Variants in SHISA8 observed in about 807,000 individuals in gnomAD.
SHISA8 encodes protein shisa-8.
Under a neutral mutation model 21.1 loss-of-function variants are expected in SHISA8, and 21 were observed. The observed-to-expected ratio is 0.99, with a 90% CI of 0.71 to 1.43. SHISA8 has a LOEUF of 1.43. Ranked by LOEUF, SHISA8 falls within the 40% of genes most tolerant of loss-of-function variation. The pLI, the probability that SHISA8 is intolerant of heterozygous loss-of-function variation, is 0.00. For synonymous variants in SHISA8, 300 were observed against 291.4 expected (o/e 1.03, Z -0.30); for missense variants, 535 against 599.1 (o/e 0.89, Z 1.12).
chr22:41,914,136 A>C lies in SHISA8; in HGVS notation c.530+2T>G. On this transcript the variant is annotated splice_donor_variant, in intron 1 of 3. Coordinates refer to ENST00000621082, the MANE Select transcript of SHISA8 (RefSeq NM_001207020.3). LOFTEE classifies it high-confidence loss of function. The surrounding 1 kb of genome is among the most constrained non-coding windows in gnomAD (Gnocchi z 6.8). ...GGGGGTCCCTGGGCGGCGCGTGCTC[A>C]CCTGGTCACTGTGCGCCGCGCGCGC... is the stretch of plus-strand genomic sequence containing the variant. The C allele has an allele frequency of 7.0e-7, 1 of 1,423,422 alleles. No individual in the cohort carries two copies. The highest frequency in any genetic ancestry group is 9.1e-7 in the Non-Finnish European group (1 of 1,100,190). The allele number at this position is 1,423,422 out of a possible 1,614,324, so 88.2% of individuals were successfully genotyped here.
intron 1 of SHISA8, among the ~76,000 whole-genome samples, chr22:41,911,807 G>T (rs12628271): frequency 6.6e-6 from 1 of 152,144 alleles, no homozygotes; most frequent in South Asian, 2.1e-4. Context: ...GTGCAATGGC[G>T]CAATCTTGGC....
chr22:41,914,986 G>A lies in SHISA8; in HGVS notation c.-319C>T, dbSNP rs2077578724. Among the ~76,000 whole-genome samples, 1 of 151,770 alleles carries A rather than the reference G, an allele frequency of 6.6e-6. No homozygotes were observed. The highest frequency in any genetic ancestry group is 1.5e-5 in the Non-Finnish European group (1 of 67,888). On this transcript the variant is annotated 5_prime_UTR_variant, in exon 1 of 4. Transcript: ENST00000621082. This position sits in a 1 kb window ranked among gnomAD's most constrained non-coding sequence, Gnocchi z 6.8. ...TTCTCCCCGGCCCGGCAGGTGTGCG[G>A]GTCTTGGCCCTAGCGGAGGCCGCGC... is the stretch of plus-strand genomic sequence containing the variant.
chr22:41,910,131 G>A lies in SHISA8; in HGVS notation c.828C>T (p.Asp276=). ...CGAGGGCGGGGAAACGCTGACAGAAGTCCCGCGGGGCGGCCTCTGCGGGGA... is the reference window on the plus strand; with the variant it reads ...CGAGGGCGGGGAAACGCTGACAGAAATCCCGCGGGGCGGCCTCTGCGGGGA... ...ALKAAEAAPR[D]FCQRFPALEP... is the part of the protein sequence containing the mutation. The change falls in exon 4 of 4, where the codon GAC becomes GAT. Residue 276 remains aspartate (D), a synonymous_variant. Transcript: ENST00000621082. This position sits in a 1 kb window ranked among gnomAD's most constrained non-coding sequence, Gnocchi z 6.8. The A allele has an allele frequency of 8.1e-7, 1 of 1,238,024 alleles. No homozygotes were observed. 76.7% of individuals were successfully genotyped at this position (1,238,024 alleles called of 1,614,324 possible).
chr22:41,910,613 G>C lies in SHISA8; in HGVS notation c.665-59C>G, dbSNP rs965270976. On this transcript the variant is annotated intron_variant, in intron 2 of 3. Transcript: ENST00000621082. This position sits in a 1 kb window ranked among gnomAD's most constrained non-coding sequence, Gnocchi z 6.8. ...TGCCCCGGTTCACTCCGCCCTCGCT[G>C]TCACCTCTCCGTAGTCCTCTCCCCG... 153 of 1,215,062 alleles carry C rather than the reference G, an allele frequency of 1.3e-4. No homozygotes were observed. The highest frequency in any genetic ancestry group is 1.4e-4 in the Non-Finnish European group (139 of 976,682). 75.3% of individuals were successfully genotyped at this position (1,215,062 alleles called of 1,614,324 possible).
chr22:41,914,262 C>A lies in SHISA8; in HGVS notation c.406G>T (p.Glu136Ter). ...GCGTAGACGGCCGTATGGCTGCGCT[C>A]GCGGCCGGGGTCCCGGGGCGCTGCG... ...DTAAPRDPGR[E>*]RSHTAVYAVC... The change falls in exon 1 of 4, where the codon GAG becomes TAG. Residue 136 changes from glutamate to a stop codon, truncating the protein, a stop_gained. Coordinates refer to ENST00000621082, the MANE Select transcript of SHISA8 (RefSeq NM_001207020.3). LOFTEE classifies it high-confidence loss of function. This position sits in a 1 kb window ranked among gnomAD's most constrained non-coding sequence, Gnocchi z 6.8. 1 of 1,313,958 alleles carries A rather than the reference C, an allele frequency of 7.6e-7. No homozygotes were observed. Among genetic ancestry groups the A allele is most frequent in the South Asian group, 2.2e-5 (1 of 45,974 alleles). The allele number at this position is 1,313,958 out of a possible 1,614,324, so 81.4% of individuals were successfully genotyped here.
intron 1 of SHISA8, among the ~76,000 whole-genome samples, chr22:41,913,613 G>A (rs1037782910): frequency 3.3e-5 from 5 of 152,206 alleles, no homozygotes; most frequent in Admixed American, 6.5e-5. Context: ...TGTGGCATGG[G>A]GTGAGTGGGG....
Position 41,914,162 on chromosome 22 carries a change from G to A in SHISA8, c.506C>T (p.Pro169Leu), listed in dbSNP as rs1360178463. Residue 169 changes from proline to leucine, a missense_variant, in exon 1 of 4, where the codon CCG (proline) becomes CTG (leucine). Transcript: ENST00000621082. This position sits in a 1 kb window ranked among gnomAD's most constrained non-coding sequence, Gnocchi z 6.8. ...CCTGGTCACTGTGCGCCGCGCGCGC[G>A]GGCTGTGCGCCCTCTCCAGTCCCAG... Reference protein sequence around the residue: ...ARLGLERAHSPRARRTVTRAL... With the variant: ...ARLGLERAHSLRARRTVTRAL... 2 of 1,449,266 alleles carry A rather than the reference G, an allele frequency of 1.4e-6. No individual in the cohort carries two copies. Among genetic ancestry groups the A allele is most frequent in the African/African-American group, 1.5e-5 (1 of 66,896 alleles). 89.8% of individuals were successfully genotyped at this position (1,449,266 alleles called of 1,614,324 possible).
chr22:41,910,205 G>A lies in SHISA8; in HGVS notation c.812-58C>T. The A allele has an allele frequency of 1.6e-6, 2 of 1,229,518 alleles. No homozygotes were observed. The highest frequency in any genetic ancestry group is 2.0e-6 in the Non-Finnish European group (2 of 986,716). 76.2% of individuals were successfully genotyped at this position (1,229,518 alleles called of 1,614,324 possible). The stretch of plus-strand genomic sequence containing the variant: ...CGCCGAGCACCCAAGCTCAGGACTG[G>A]ACAAGGGGTCCCGGCCGGGGACTGG... On this transcript the variant is annotated intron_variant, in intron 3 of 3. Transcript: ENST00000621082. This position sits in a 1 kb window ranked among gnomAD's most constrained non-coding sequence, Gnocchi z 6.8.
Position 41,910,491 on chromosome 22 carries a change from C to G in SHISA8, c.728G>C (p.Arg243Pro), listed in dbSNP as rs2077543199. 6.3e-6 allele frequency: 8 copies of G among 1,260,348 alleles called. No individual in the cohort carries two copies. The highest frequency in any genetic ancestry group is 4.2e-5 in the Admixed American group (1 of 23,580). 78.1% of individuals were successfully genotyped at this position (1,260,348 alleles called of 1,614,324 possible). A position where few individuals can be genotyped will look rare whatever the true frequency, so the allele number is the denominator to read the frequency against. ...SAAPGPPRGP[R>P]LQGGGSLTLQ... ...CGTCAGGCTGCCGCCGCCCTGCAGC[C>G]GCGGGCCGCGCGGGGGCCCCGGGGC... Residue 243 changes from arginine to proline, a missense_variant, in exon 3 of 4, where the codon CGG (arginine) becomes CCG (proline). Arg to Pro is a moderately radical substitution (Grantham distance 103). Coordinates refer to ENST00000621082, the MANE Select transcript of SHISA8 (RefSeq NM_001207020.3). This position sits in a 1 kb window ranked among gnomAD's most constrained non-coding sequence, Gnocchi z 6.8.
Position 41,910,382 on chromosome 22 carries a change from T to C in SHISA8, c.811+26A>G. 7.8e-7 allele frequency: 1 copy of C among 1,286,322 alleles called. No homozygotes were observed. Among genetic ancestry groups the C allele is most frequent in the Admixed American group, 4.0e-5 (1 of 24,698 alleles). The allele number at this position is 1,286,322 out of a possible 1,614,324, so 79.7% of individuals were successfully genotyped here. A position where few individuals can be genotyped will look rare whatever the true frequency, so the allele number is the denominator to read the frequency against. ...CGGGAGCTCGTGCGCCCAGGTGCCC[T>C]GACGCTGCCCGCACCCGCCACTCAC... On this transcript the variant is annotated intron_variant, in intron 3 of 3. Transcript: ENST00000621082. The surrounding 1 kb of genome is among the most constrained non-coding windows in gnomAD (Gnocchi z 6.8).
At position 41,914,509 on chromosome 22, in the gene SHISA8, G is replaced by A. The variant is rs757930453; in HGVS notation, c.159C>T (p.Ala53=). The change falls in exon 1 of 4, where the codon GCC becomes GCT. Residue 53 remains alanine (A), a synonymous_variant. Transcript: ENST00000621082. This position sits in a 1 kb window ranked among gnomAD's most constrained non-coding sequence, Gnocchi z 6.8. ...AQGPAAPGTT[A]PEGGDRCRGY... ...CGCGGCAGCGGTCGCCCCCCTCCGG[G>A]GCTGTCGTGCCGGGCGCCGCGGGAC... 2.4e-6 allele frequency: 3 copies of A among 1,248,672 alleles called. No individual in the cohort carries two copies. Among genetic ancestry groups the A allele is most frequent in the African/African-American group, 3.1e-5 (2 of 63,784 alleles). 77.3% of individuals were successfully genotyped at this position (1,248,672 alleles called of 1,614,324 possible).
In SHISA8 at chr22:41,910,648, G is replaced by T; in HGVS notation, c.665-94C>A. 2 of 1,193,420 alleles carry T rather than the reference G, an allele frequency of 1.7e-6. No individual in the cohort carries two copies. The highest frequency in any genetic ancestry group is 2.1e-6 in the Non-Finnish European group (2 of 959,742). 73.9% of individuals were successfully genotyped at this position (1,193,420 alleles called of 1,614,324 possible). On this transcript the variant is annotated intron_variant, in intron 2 of 3. Transcript: ENST00000621082. This position sits in a 1 kb window ranked among gnomAD's most constrained non-coding sequence, Gnocchi z 6.8. ...CGTAGTCCTCTCCCCGAGGCCGTTC[G>T]GTGAGAACCTGGGGGACCGTTCTCC... is the stretch of plus-strand genomic sequence containing the variant.
rs2077539047 is a variant in SHISA8 at position 41,910,186 on chromosome 22, G to A, written c.812-39C>T. The A allele has an allele frequency of 1.6e-6, 2 of 1,228,870 alleles. No individual in the cohort carries two copies. The highest frequency in any genetic ancestry group is 2.0e-6 in the Non-Finnish European group (2 of 987,086). 76.1% of individuals were successfully genotyped at this position (1,228,870 alleles called of 1,614,324 possible). On this transcript the variant is annotated intron_variant, in intron 3 of 3. Transcript: ENST00000621082. This position sits in a 1 kb window ranked among gnomAD's most constrained non-coding sequence, Gnocchi z 6.8. The stretch of plus-strand genomic sequence containing the variant: ...GCAGGGAAGAGTGACGCCGCGCCGA[G>A]CACCCAAGCTCAGGACTGGACAAGG...
rs893808084 is a variant in SHISA8 at position 41,914,002 on chromosome 22, G to A, written c.530+136C>T. The A allele has an allele frequency of 3.2e-6, 3 of 938,164 alleles. No homozygotes were observed. The highest frequency in any genetic ancestry group is 1.7e-5 in the African/African-American group (1 of 57,412). 58.1% of individuals were successfully genotyped at this position (938,164 alleles called of 1,614,324 possible). A position where few individuals can be genotyped will look rare whatever the true frequency, so the allele number is the denominator to read the frequency against. ...CTGATGAAGTGTTGGGGGGGCGGCG[G>A]GGGGAGAAGGAGACAGGAAAACCCA... On this transcript the variant is annotated intron_variant, in intron 1 of 3. Coordinates refer to ENST00000621082, the MANE Select transcript of SHISA8 (RefSeq NM_001207020.3). This position sits in a 1 kb window ranked among gnomAD's most constrained non-coding sequence, Gnocchi z 6.8.
In SHISA8 at chr22:41,910,745, A is replaced by T. The variant is rs1010181952; in HGVS notation, c.665-191T>A. On this transcript the variant is annotated intron_variant, in intron 2 of 3. Transcript: ENST00000621082. This position sits in a 1 kb window ranked among gnomAD's most constrained non-coding sequence, Gnocchi z 6.8. ...CTGGAACAGGGCCTGGCTCCGAGTC[A>T]CGCGCAGCGGCGGCGGCAGCCAGCC... is the stretch of plus-strand genomic sequence containing the variant. Among the ~76,000 whole-genome samples, 2 of 151,990 alleles carry T rather than the reference A, an allele frequency of 1.3e-5. No individual in the cohort carries two copies. The highest frequency in any genetic ancestry group is 2.4e-5 in the African/African-American group (1 of 41,404).
In SHISA8 at chr22:41,910,325, C is replaced by T; in HGVS notation, c.811+83G>A. 2 of 1,251,454 alleles carry T rather than the reference C, an allele frequency of 1.6e-6. No individual in the cohort carries two copies. Among genetic ancestry groups the T allele is most frequent in the Non-Finnish European group, 1.0e-6 (1 of 997,134 alleles). The allele number at this position is 1,251,454 out of a possible 1,614,324, so 77.5% of individuals were successfully genotyped here. A position where few individuals can be genotyped will look rare whatever the true frequency, so the allele number is the denominator to read the frequency against. On this transcript the variant is annotated intron_variant, in intron 3 of 3. Coordinates refer to ENST00000621082, the MANE Select transcript of SHISA8 (RefSeq NM_001207020.3). This position sits in a 1 kb window ranked among gnomAD's most constrained non-coding sequence, Gnocchi z 6.8. Reference sequence around the variant, plus strand: ...CGGGCGCGCGGAACTGGGAATTTGGCGCTTGGAGCTGCGGCCCCGCGCTTC... The same window carrying T: ...CGGGCGCGCGGAACTGGGAATTTGGTGCTTGGAGCTGCGGCCCCGCGCTTC...
chr22:41,909,774 G>T lies in SHISA8; in HGVS notation c.1185C>A (p.Val395=), dbSNP rs1164473038. The stretch of plus-strand genomic sequence containing the variant: ...GCACCGCGGCCCCGCTTCACACGGT[G>T]ACCTCGGTCTTGCTATTGGTCCTTA... ...RYLRTNSKTE[V]TV The change falls in exon 4 of 4, where the codon GTC becomes GTA. Residue 395 remains valine, a synonymous_variant. Coordinates refer to ENST00000621082, the MANE Select transcript of SHISA8 (RefSeq NM_001207020.3). 2 of 1,468,448 alleles carry T rather than the reference G, an allele frequency of 1.4e-6. No homozygotes were observed. Among genetic ancestry groups the T allele is most frequent in the Non-Finnish European group, 1.8e-6 (2 of 1,110,624 alleles). 91.0% of individuals were successfully genotyped at this position (1,468,448 alleles called of 1,614,324 possible).
At position 41,911,283 on chromosome 22, in the gene SHISA8, G is replaced by C. The variant is rs2077551853; in HGVS notation, c.597C>G (p.Pro199=). The C allele has an allele frequency of 1.6e-6, 2 of 1,256,464 alleles. No individual in the cohort carries two copies. The highest frequency in any genetic ancestry group is 2.1e-4 in the Middle Eastern group (1 of 4,676). 77.8% of individuals were successfully genotyped at this position (1,256,464 alleles called of 1,614,324 possible). ...TCTGCACCTGGACACAGCCACCCAG[G>C]GGTGGGCCCAGGGTGGGAGGCAGTG... ...QEPLPPTLGP[P]LGGCVQVQMG... The change falls in exon 2 of 4, where the codon CCC becomes CCG. Residue 199 remains proline (P), a synonymous_variant. Coordinates refer to ENST00000621082, the MANE Select transcript of SHISA8 (RefSeq NM_001207020.3).
Position 41,909,554 on chromosome 22 carries a change from C to A in SHISA8, c.*211G>T. On this transcript the variant is annotated 3_prime_UTR_variant, in exon 4 of 4. Coordinates refer to ENST00000621082, the MANE Select transcript of SHISA8 (RefSeq NM_001207020.3). ...TCAGTGACCAATGGTGCCTCGCAGC[C>A]ACGCTGGGGCTTCTTTATTCTCAGG... 1 of 569,856 alleles carries A rather than the reference C, an allele frequency of 1.8e-6. No homozygotes were observed. Among genetic ancestry groups the A allele is most frequent in the Non-Finnish European group, 2.7e-6 (1 of 376,318 alleles). 35.3% of individuals were successfully genotyped at this position (569,856 alleles called of 1,614,324 possible). A position where few individuals can be genotyped will look rare whatever the true frequency, so the allele number is the denominator to read the frequency against.
Sources: gnomAD v4.1 joint callset for allele counts (sites outside exome capture counted in the v4.1 genomes callset) on GRCh38, gnomAD v4.1.1 for gene constraint, Gnocchi (gnomAD v3.1) non-coding constraint, MANE v1.5 for transcripts, NCBI Gene and HGNC (gene_info 2026-07-23, HGNC 2026-07-21) for gene names.